The following FGGY variants were observed in gnomAD, a reference collection of about 807,000 sequenced individuals.
FGGY encodes FGGY carbohydrate kinase domain containing.
A neutral mutation model predicts 71.3 loss-of-function variants in FGGY; 72 were observed. The observed-to-expected ratio is 1.01, with a 90% CI of 0.84 to 1.23. FGGY has a LOEUF of 1.23. FGGY is among the 50% of genes most tolerant of loss of function. The pLI, the probability that FGGY is intolerant of heterozygous loss-of-function variation, is 0.00. For missense variants in FGGY, 668 were observed against 682.3 expected (o/e 0.98, Z 0.23); for synonymous variants, 251 against 250.3 (o/e 1.00, Z -0.02).
chr1:59,554,557 T>A (rs1487972135), intron 8 of FGGY, among the ~76,000 whole-genome samples: 1 of 152,134 alleles, frequency 6.6e-6, no homozygotes, highest in African/African-American at 2.4e-5. Context: ...CTGTCCCTAA[T>A]GGGTAGCGGG....
At chr1:59,462,296 C>G (rs1270773889) in intron 6 of FGGY, among the ~76,000 whole-genome samples, 1 of 152,142 alleles carries the variant, frequency 6.6e-6, no homozygotes. Flanking sequence ...ACACCTTATA[C>G]AAAAGTTAAT....
chr1:59,445,632 T>C (rs1209610031), intron 5 of FGGY, among the ~76,000 whole-genome samples: 1 of 152,188 alleles, frequency 6.6e-6, no homozygotes, highest in Non-Finnish European at 1.5e-5. Flanking sequence ...AACACCCTTT[T>C]TTACCAGAAC....
At chr1:59,500,536 T>C (rs2094190782) in intron 6 of FGGY, among the ~76,000 whole-genome samples, 1 of 151,878 alleles carries the variant, frequency 6.6e-6, no homozygotes, top group Non-Finnish European at 1.5e-5. Flanking sequence ...AGAAACTGAA[T>C]TCAGGGATTT....
chr1:59,567,173 C>G (rs1443082594), intron 8 of FGGY, among the ~76,000 whole-genome samples: 2 of 152,140 alleles, frequency 1.3e-5, no homozygotes, highest in African/African-American at 4.8e-5. Flanking sequence ...AGCATATAAA[C>G]CACCAAGTTA....
chr1:59,732,096 G>A (rs1043878690), intron 14 of FGGY, among the ~76,000 whole-genome samples: 5 of 152,128 alleles, frequency 3.3e-5, no homozygotes, highest in African/African-American at 9.7e-5. Context: ...CTGAGTTGCC[G>A]CACACAAAGC....
intron 5 of FGGY, among the ~76,000 whole-genome samples, chr1:59,402,148 G>T (rs998101906): frequency 2.6e-5 from 4 of 152,202 alleles, no homozygotes; most frequent in African/African-American, 9.7e-5. Context: ...GGTGAAGTCA[G>T]GACATGATGG....
chr1:59,711,890 C>T (rs893920258), intron 14 of FGGY, among the ~76,000 whole-genome samples: 14 of 152,076 alleles, frequency 9.2e-5, no homozygotes, highest in African/African-American at 3.4e-4. Flanking sequence ...CCACCCTGGC[C>T]CCTCCCAAAT....
At chr1:59,489,433 T>A (rs1234127903) in intron 6 of FGGY, among the ~76,000 whole-genome samples, 1 of 152,150 alleles carries the variant, frequency 6.6e-6, no homozygotes, top group Non-Finnish European at 1.5e-5. Flanking sequence ...AGATCAACAT[T>A]TTTTAGCTTC....
intron 4 of FGGY, among the ~76,000 whole-genome samples, chr1:59,369,312 A>G (rs2057154071): frequency 6.6e-6 from 1 of 152,182 alleles, no homozygotes; most frequent in Non-Finnish European, 1.5e-5. Context: ...GCTGATTGCT[A>G]GCACAGCAGT....
chr1:59,391,854 A>G (rs920710854), intron 5 of FGGY, among the ~76,000 whole-genome samples: 4 of 152,308 alleles, frequency 2.6e-5, no homozygotes, highest in Admixed American at 1.3e-4. Flanking sequence ...TGCTTTTTCA[A>G]TATGATAAAG....
chr1:59,539,055 A>G (rs934162514), intron 7 of FGGY, among the ~76,000 whole-genome samples: 4 of 152,212 alleles, frequency 2.6e-5, no homozygotes, highest in African/African-American at 7.2e-5. Context: ...AAAAATATTA[A>G]GTACCTAGGA....
rs567904303 is a variant in FGGY at position 59,515,129 on chromosome 1, G to A, written c.799+2690G>A. ...TACCCTGCAAAGCCACAGAGGCAGCGCTGCCCAAGACCATGGGAACCCACC... is the reference window on the plus strand; with the variant it reads ...TACCCTGCAAAGCCACAGAGGCAGCACTGCCCAAGACCATGGGAACCCACC... On this transcript the variant is annotated intron_variant, in intron 7 of 15. Coordinates refer to ENST00000303721, the MANE Select transcript of FGGY (RefSeq NM_018291.5). 6.6e-4 allele frequency among the ~76,000 whole-genome samples: 100 copies of A among 152,190 alleles called. 1 individual carries two copies. The Middle Eastern group carries it at 0.034, about 52-fold the overall frequency.
intron 7 of FGGY, among the ~76,000 whole-genome samples, chr1:59,527,111 T>A (rs2095010045): frequency 6.6e-6 from 1 of 152,240 alleles, no homozygotes; most frequent in Non-Finnish European, 1.5e-5. Flanking sequence ...ATATCTGGAA[T>A]ATTCTTCGTT....
chr1:59,434,558 C>G (rs1200328618), intron 5 of FGGY, among the ~76,000 whole-genome samples: 3 of 152,152 alleles, frequency 2.0e-5, no homozygotes, highest in Non-Finnish European at 2.9e-5. Context: ...TTAAAAAATG[C>G]CATAGACTGG....
At chr1:59,536,017 C>G (rs1165432799) in intron 7 of FGGY, among the ~76,000 whole-genome samples, 1 of 150,970 alleles carries the variant, frequency 6.6e-6, no homozygotes, top group Non-Finnish European at 1.5e-5. Flanking sequence ...ACACAAAAAA[C>G]CCTTCAAAAA....
At chr1:59,522,262 C>T (rs2094855248) in intron 7 of FGGY, among the ~76,000 whole-genome samples, 1 of 152,230 alleles carries the variant, frequency 6.6e-6, no homozygotes, top group Non-Finnish European at 1.5e-5. Context: ...CCCGTGTTGA[C>T]CTGGCTAGTG....
chr1:59,691,085 C>T (rs941120829), intron 14 of FGGY, among the ~76,000 whole-genome samples: 3 of 152,130 alleles, frequency 2.0e-5, no homozygotes, highest in Admixed American at 2.0e-4. Context: ...TTTGGGAGGC[C>T]AATACAGAAA....
At chr1:59,360,744 A>T (rs835439) in intron 4 of FGGY, among the ~76,000 whole-genome samples, 3,899 of 152,320 alleles carry the variant, frequency 0.026, 157 homozygotes, top group African/African-American at 0.089. Flanking sequence ...GAGGCAGGTA[A>T]GAAATCTAAG....
At chr1:59,637,516 C>T (rs989913122) in intron 10 of FGGY, among the ~76,000 whole-genome samples, 1 of 151,932 alleles carries the variant, frequency 6.6e-6, no homozygotes, top group Non-Finnish European at 1.5e-5. Flanking sequence ...GCAGGAGAAT[C>T]GCTTGAATCT....
Sources: allele counts gnomAD v4.1 joint callset (sites outside exome capture counted in the v4.1 genomes callset), GRCh38; gene constraint gnomAD v4.1.1; transcripts MANE v1.5; gene names NCBI Gene and HGNC (gene_info 2026-07-23, HGNC 2026-07-21).